KCNK2: variants seen among roughly 807,000 people sequenced by gnomAD.
KCNK2 encodes potassium channel subfamily K member 2.
KCNK2 carries 21 observed loss-of-function variants against 40.5 expected under a neutral mutation model. The observed-to-expected ratio is 0.52, with a 90% confidence interval of 0.37 to 0.75. The LOEUF (loss-of-function observed/expected upper bound fraction) is 0.75. Ranked by LOEUF, KCNK2 falls within the 30% of genes least tolerant of loss-of-function variation. The pLI, the probability that KCNK2 is intolerant of heterozygous loss-of-function variation, is 0.00. For synonymous variants in KCNK2, 191 were observed against 202.2 expected (o/e 0.94, Z 0.47); for missense variants, 399 against 531.6 (o/e 0.75, Z 2.45).
chr1:215,059,017 GTGTA>G (rs143082990), intron 1 of KCNK2, among the ~76,000 whole-genome samples: 3,676 of 151,854 alleles, frequency 0.024, 60 homozygotes, highest in South Asian at 0.046. Flanking sequence ...TTGTGTGTGA[GTGTA>G]TGTATGTATG....
At chr1:215,192,694 G>A (rs1664716170) in intron 5 of KCNK2, among the ~76,000 whole-genome samples, 1 of 152,096 alleles carries the variant, frequency 6.6e-6, no homozygotes, top group East Asian at 1.9e-4. Flanking sequence ...TCTTAAGTCA[G>A]TTCTGTGAAG....
At chr1:215,145,590 TAG>T (rs1662379546) in intron 3 of KCNK2, among the ~76,000 whole-genome samples, 1 of 152,214 alleles carries the variant, frequency 6.6e-6, no homozygotes, top group Non-Finnish European at 1.5e-5. Context: ...TGTGTTACTT[TAG>T]GACAATTTGA....
intron 1 of KCNK2, among the ~76,000 whole-genome samples, chr1:215,007,076 T>C (rs2102466942): frequency 7.6e-6 from 1 of 131,810 alleles, no homozygotes; most frequent in Non-Finnish European, 1.6e-5. Context: ...TGTGTGTATA[T>C]ATATATGTGT....
At chr1:215,122,347 G>A (rs1661224646) in intron 2 of KCNK2, among the ~76,000 whole-genome samples, 1 of 152,012 alleles carries the variant, frequency 6.6e-6, no homozygotes, top group East Asian at 1.9e-4. Flanking sequence ...AAATTCTAAA[G>A]TTTATACAGG....
intron 1 of KCNK2, among the ~76,000 whole-genome samples, chr1:215,042,628 A>C (rs1326019742): frequency 6.6e-6 from 1 of 152,232 alleles, no homozygotes; most frequent in Admixed American, 6.5e-5. Flanking sequence ...ATCACATTTT[A>C]AAATTTCAGT....
intron 4 of KCNK2, among the ~76,000 whole-genome samples, chr1:215,170,261 T>C (rs1663646203): frequency 6.6e-6 from 1 of 152,186 alleles, no homozygotes; most frequent in Non-Finnish European, 1.5e-5. Context: ...CTACACAATG[T>C]AATTTAGTAG....
intron 1 of KCNK2, among the ~76,000 whole-genome samples, chr1:215,060,180 C>T (rs1010937668): frequency 6.6e-6 from 1 of 152,252 alleles, no homozygotes; most frequent in Middle Eastern, 3.4e-3. Context: ...AGCCAGAAAG[C>T]GCTGAGAGGA....
chr1:215,018,777 C>T (rs1412409511), intron 1 of KCNK2, among the ~76,000 whole-genome samples: 2 of 152,112 alleles, frequency 1.3e-5, no homozygotes, highest in Non-Finnish European at 2.9e-5. Context: ...CAATTCTAAA[C>T]ATAATGAGAA....
At chr1:215,213,855 T>C (rs2102691657) in intron 6 of KCNK2, among the ~76,000 whole-genome samples, 1 of 152,184 alleles carries the variant, frequency 6.6e-6, no homozygotes, top group East Asian at 1.9e-4. Flanking sequence ...AGCAACTAAG[T>C]AAAAAGTGTT....
chr1:215,016,420 G>A (rs1467262467), intron 1 of KCNK2, among the ~76,000 whole-genome samples: 2 of 152,072 alleles, frequency 1.3e-5, no homozygotes, highest in African/African-American at 4.8e-5. Flanking sequence ...ATACACCAAT[G>A]GAACAGAATA....
intron 3 of KCNK2, among the ~76,000 whole-genome samples, chr1:215,143,065 CTAAGGTGCGAAGACGAAGTGT>C (rs1200803201): frequency 6.6e-5 from 10 of 152,170 alleles, no homozygotes; most frequent in Non-Finnish European, 1.0e-4. Context: ...GTGTAGGAAA[CTAAGGTGCGAAGACGAAGTGT>C]GATGTGGAAT....
chr1:215,079,830 T>C (rs571560452), upstream of KCNK2, among the ~76,000 whole-genome samples: 3 of 152,296 alleles, frequency 2.0e-5, no homozygotes, highest in South Asian at 6.2e-4. Flanking sequence ...ACAAGAGGGC[T>C]TTTAACGGGG....
At chr1:215,175,537 GT>G in intron 5 of KCNK2, among the ~76,000 whole-genome samples, 1 of 151,892 alleles carries the variant, frequency 6.6e-6, no homozygotes, top group East Asian at 1.9e-4. Context: ...GTATGTGCAG[GT>G]TTGTTACCTG....
chr1:215,138,810 C>G (rs1057301391), intron 3 of KCNK2, among the ~76,000 whole-genome samples: 1 of 152,214 alleles, frequency 6.6e-6, no homozygotes. Flanking sequence ...TTCGCATACA[C>G]TCTTTGTCTT....
intron 2 of KCNK2, among the ~76,000 whole-genome samples, chr1:215,105,879 G>A (rs190412367): frequency 2.0e-5 from 3 of 152,148 alleles, no homozygotes; most frequent in East Asian, 1.9e-4. Context: ...GTTTACTGAG[G>A]ATAGTGAGTA....
intron 3 of KCNK2, among the ~76,000 whole-genome samples, chr1:215,126,218 G>A (rs894420899): frequency 6.6e-6 from 1 of 152,058 alleles, no homozygotes; most frequent in Non-Finnish European, 1.5e-5. Flanking sequence ...ATTGTTATGA[G>A]TCCACTATAG....
chr1:215,215,446 T>C (rs543912093), intron 6 of KCNK2, among the ~76,000 whole-genome samples: 2 of 152,304 alleles, frequency 1.3e-5, no homozygotes, highest in East Asian at 3.9e-4. Context: ...TCATGTTCTC[T>C]AAAGCATAAA....
rs2102572541 is a variant in KCNK2 at position 215,118,293 on chromosome 1, T to G, written c.358-6340T>G. Among the ~76,000 whole-genome samples, 3 of 152,292 alleles carry G rather than the reference T, an allele frequency of 2.0e-5. No homozygotes were observed. In the South Asian group the frequency reaches 6.2e-4, roughly 32 times the overall value. On this transcript the variant is annotated intron_variant, in intron 2 of 6. Transcript: ENST00000444842. The stretch of plus-strand genomic sequence containing the variant: ...TTTGGCAACAATACTCACACATGAC[T>G]GTGTATTATTGATGGGTGATGATTA...
chr1:215,163,097 A>G (rs1333111609), intron 3 of KCNK2, among the ~76,000 whole-genome samples: 3 of 151,950 alleles, frequency 2.0e-5, no homozygotes, highest in Admixed American at 2.0e-4. Flanking sequence ...GTCCTCTTTT[A>G]TTTCCTTGAG....
Sources: allele counts gnomAD v4.1 joint callset (sites outside exome capture counted in the v4.1 genomes callset), GRCh38; gene constraint gnomAD v4.1.1; transcripts MANE v1.5; gene names NCBI Gene and HGNC (gene_info 2026-07-23, HGNC 2026-07-21).